Variants in PLXNA4 observed in about 807,000 individuals in gnomAD.
The protein encoded by PLXNA4 is plexin-A4.
PLXNA4 carries 44 observed loss-of-function variants against 191.8 expected under a neutral mutation model. The ratio of observed to expected loss-of-function variants is 0.23; its 90% confidence interval spans 0.18 to 0.29. The LOEUF (loss-of-function observed/expected upper bound fraction) is 0.29, where lower values mean the gene tolerates loss of function less well. Among genes scored for constraint, PLXNA4 ranks in the 10% least tolerant of loss-of-function variants. The pLI is 1.00. For synonymous variants in PLXNA4, 1,082 were observed against 1,009.5 expected (o/e 1.07, Z -1.36); for missense variants, 1,800 against 2,488.8 (o/e 0.72, Z 5.89).
At position 132,227,598 on chromosome 7, in the gene PLXNA4, G is replaced by C. The variant is rs747734349; in HGVS notation, c.1735C>G (p.Leu579Val). 4.3e-6 allele frequency: 7 copies of C among 1,614,178 alleles called. No individual in the cohort carries two copies. The highest frequency in any genetic ancestry group is 5.9e-6 in the Non-Finnish European group (7 of 1,180,030). The change falls in exon 7 of 32, where the codon CTG (leucine) becomes GTG (valine). Residue 579 changes from leucine to valine, a missense_variant. Leu to Val is a conservative substitution (Grantham distance 32, BLOSUM62 1). Around this residue, in one of 6 missense-constraint regions of PLXNA4, gnomAD observed 1,397 missense variants for 1,880.4 expected, o/e 0.74. Coordinates refer to ENST00000321063, the MANE Select transcript of PLXNA4 (RefSeq NM_020911.2). ...SVSQYNVLLV[L>V]ETYNVPELSA... is the part of the protein sequence containing the mutation. ...AGCTCCGGGACATTGTACGTCTCCA[G>C]GACCAGCTGTGAACAGCCAGGCGGG...
intron 2 of PLXNA4, among the ~76,000 whole-genome samples, chr7:132,611,534 G>A (rs1267606879): frequency 1.3e-5 from 2 of 152,224 alleles, no homozygotes; most frequent in Non-Finnish European, 2.9e-5. Context: ...TCAGAGGGCA[G>A]CAAGGCTACT....
intron 3 of PLXNA4, among the ~76,000 whole-genome samples, chr7:132,380,968 G>A (rs1372909525): frequency 2.0e-5 from 3 of 152,248 alleles, no homozygotes; most frequent in African/African-American, 4.8e-5. Flanking sequence ...AGGTTACTAA[G>A]GACAGTTGTG....
chr7:132,583,949 G>C (rs1368512058), intron 2 of PLXNA4, among the ~76,000 whole-genome samples: 1 of 152,208 alleles, frequency 6.6e-6, no homozygotes, highest in Non-Finnish European at 1.5e-5. Flanking sequence ...AGCGATGCCA[G>C]GCCAGCTGCT....
At position 132,187,563 on chromosome 7, in the gene PLXNA4, G is replaced by A. The variant is rs540546455; in HGVS notation, c.2901C>T (p.Ser967=). The change falls in exon 15 of 32, where the codon TCC becomes TCT. Residue 967 remains serine (S), a synonymous_variant. Coordinates refer to ENST00000321063, the MANE Select transcript of PLXNA4 (RefSeq NM_020911.2). ...CTGTGATGGTCACTTGGGTCCCTCC[G>A]GACATGGGCCCCCGGCTGGGCTTCA... ...SDLKPSRGPM[S]GGTQVTITGT... is the part of the protein sequence containing the mutation. 78 of 1,613,948 alleles carry A rather than the reference G, an allele frequency of 4.8e-5. No homozygotes were observed. The highest frequency in any genetic ancestry group is 7.7e-5 in the South Asian group (7 of 91,064).
At chr7:132,440,269 G>T (rs1795645534) in intron 3 of PLXNA4, among the ~76,000 whole-genome samples, 1 of 152,188 alleles carries the variant, frequency 6.6e-6, no homozygotes, top group Non-Finnish European at 1.5e-5. Flanking sequence ...CTTTGAGGTT[G>T]CTGCCTCTCA....
chr7:132,617,086 G>A (rs978022777), intron 2 of PLXNA4, among the ~76,000 whole-genome samples: 1 of 152,100 alleles, frequency 6.6e-6, no homozygotes, highest in African/African-American at 2.4e-5. Context: ...AGCCATGTTG[G>A]ATTTAAGATA....
chr7:132,223,535 G>C lies in PLXNA4; in HGVS notation c.2089C>G (p.Leu697Val). 1.2e-6 allele frequency: 2 copies of C among 1,612,796 alleles called. No homozygotes were observed. The highest frequency in any genetic ancestry group is 1.7e-6 in the Non-Finnish European group (2 of 1,179,440). Reference sequence around the variant, plus strand: ...GGCTGCCAGGGACCTACCTCGGGCAGCTTCACTCGGCCTTCCTGGAAGGAG... The same window carrying C: ...GGCTGCCAGGGACCTACCTCGGGCACCTTCACTCGGCCTTCCTGGAAGGAG... ...TCSFQEGRVK[L>V]PEDCPQLLRV... is the part of the protein sequence containing the mutation. The change falls in exon 9 of 32, where the codon CTG becomes GTG. Residue 697 changes from leucine (L) to valine (V), a missense_variant. By Grantham distance (32) the Leu-to-Val change is conservative. This residue lies in a region of PLXNA4 where 1,397 missense variants were observed against 1,880.4 expected (regional missense o/e 0.74). Transcript: ENST00000321063.
In PLXNA4 at chr7:132,128,843, G is replaced by A. The variant is rs1394247743; in HGVS notation, c.*1636C>T. 6.6e-6 allele frequency: 1 copy of A among 152,184 alleles called. No homozygotes were observed. Among genetic ancestry groups the A allele is most frequent in the African/African-American group, 2.4e-5 (1 of 41,428 alleles). The allele number at this position is 152,184 out of a possible 1,614,324, so 9.4% of individuals were successfully genotyped here. ...AACCTCACCTAAGATGTTTCTCCTT[G>A]TCTCCCATAGTGGTGAACAACTCCA... is the stretch of plus-strand genomic sequence containing the variant. On this transcript the variant is annotated 3_prime_UTR_variant, in exon 32 of 32. Coordinates refer to ENST00000321063, the MANE Select transcript of PLXNA4 (RefSeq NM_020911.2).
At chr7:132,553,386 C>A (rs1800650331) in intron 1 of PLXNA4, among the ~76,000 whole-genome samples, 1 of 152,136 alleles carries the variant, frequency 6.6e-6, no homozygotes. Context: ...CCAGGTTCCC[C>A]AGACCCATCA....
intron 3 of PLXNA4, among the ~76,000 whole-genome samples, chr7:132,341,057 G>C (rs2116744653): frequency 6.6e-6 from 1 of 152,264 alleles, no homozygotes; most frequent in African/African-American, 2.4e-5. Flanking sequence ...GGAAGCTGTA[G>C]AACATTTCGA....
At chr7:132,452,276 G>A (rs1796150586) in intron 3 of PLXNA4, among the ~76,000 whole-genome samples, 1 of 152,184 alleles carries the variant, frequency 6.6e-6, no homozygotes, top group Non-Finnish European at 1.5e-5. Flanking sequence ...CCAGCATGGA[G>A]AGATGGAAGA....
intron 4 of PLXNA4, among the ~76,000 whole-genome samples, chr7:132,266,932 T>C (rs1018425131): frequency 6.6e-6 from 1 of 152,222 alleles, no homozygotes; most frequent in Admixed American, 6.5e-5. Flanking sequence ...GAGCTAATGG[T>C]GGGCATCCTT....
chr7:132,262,206 C>T (rs1714576161), intron 4 of PLXNA4, among the ~76,000 whole-genome samples: 1 of 152,174 alleles, frequency 6.6e-6, no homozygotes, highest in African/African-American at 2.4e-5. Flanking sequence ...ATAAATCATT[C>T]TGGCTCGGCT....
intron 4 of PLXNA4, among the ~76,000 whole-genome samples, chr7:132,256,316 T>C (rs1444084061): frequency 2.0e-5 from 3 of 152,258 alleles, no homozygotes; most frequent in Non-Finnish European, 4.4e-5. Context: ...GCAGGTAGCA[T>C]GCCATACGTG....
At chr7:132,461,136 A>G (rs2117358334) in intron 3 of PLXNA4, among the ~76,000 whole-genome samples, 1 of 152,306 alleles carries the variant, frequency 6.6e-6, no homozygotes, top group East Asian at 1.9e-4. Flanking sequence ...CTTTTCCATT[A>G]AAAGGCTAGG....
chr7:132,140,604 C>T lies in PLXNA4; in HGVS notation c.5433G>A (p.Val1811=), dbSNP rs767143907. ...AKDIPSYKNW[V]ERYYSDIGKM... is the part of the protein sequence containing the mutation. ...CTCCGTGGCCCAGCACTCACCTCTC[C>T]ACCCAATTCTTGTAGCTGGGGATGT... The change falls in exon 30 of 32, where the codon GTG becomes GTA. Residue 1811 remains valine, a synonymous_variant. Transcript: ENST00000321063. 1.2e-6 allele frequency: 2 copies of T among 1,613,702 alleles called. No homozygotes were observed. Among genetic ancestry groups the T allele is most frequent in the African/African-American group, 1.3e-5 (1 of 74,924 alleles).
chr7:132,225,449 T>C (rs930245376), intron 8 of PLXNA4, among the ~76,000 whole-genome samples: 2 of 152,212 alleles, frequency 1.3e-5, no homozygotes, highest in African/African-American at 4.8e-5. Context: ...AGCACTGTGA[T>C]TTCCCTGTTG....
chr7:132,405,159 G>A (rs1158011907), intron 3 of PLXNA4, among the ~76,000 whole-genome samples: 1 of 151,922 alleles, frequency 6.6e-6, no homozygotes, highest in Non-Finnish European at 1.5e-5. Flanking sequence ...CTACTCCATA[G>A]CTCTCAGAAG....
intron 4 of PLXNA4, among the ~76,000 whole-genome samples, chr7:132,274,856 C>T (rs1800213058): frequency 6.9e-6 from 1 of 144,184 alleles, no homozygotes; most frequent in Non-Finnish European, 1.5e-5. Flanking sequence ...AATCCTCCTA[C>T]TTTAGCCTCC....
Sources: gnomAD v4.1 joint callset for allele counts (sites outside exome capture counted in the v4.1 genomes callset) on GRCh38, gnomAD v4.1.1 for gene constraint, gnomAD v4.1.1 regional missense constraint, MANE v1.5 for transcripts, NCBI Gene and HGNC (gene_info 2026-07-23, HGNC 2026-07-21) for gene names.